Variants in CSMD1 observed in about 807,000 individuals in gnomAD.
CSMD1 encodes the protein CUB and Sushi multiple domains 1.
A neutral mutation model predicts 417.5 loss-of-function variants in CSMD1; 213 were observed. That is an observed-to-expected ratio of 0.51 (90% CI 0.46 to 0.57). CSMD1 has a LOEUF of 0.57. Among genes scored for constraint, CSMD1 ranks in the 20% least tolerant of loss-of-function variants. The pLI is 0.00. For synonymous variants in CSMD1, 2,862 were observed against 1,736.8 expected, an observed-to-expected ratio of 1.65 and a Z score of -16.11; for missense variants, 6,923 against 4,529.7, an observed-to-expected ratio of 1.53 and a Z score of -15.17.
At chr8:4,341,320 A>G (rs1267328777) in intron 3 of CSMD1, among the ~76,000 whole-genome samples, 1 of 152,126 alleles carries the variant, frequency 6.6e-6, no homozygotes, top group Non-Finnish European at 1.5e-5. Context: ...CAATCATATC[A>G]CTAGGTAAAA....
chr8:3,741,723 C>G (rs955102352), intron 6 of CSMD1, among the ~76,000 whole-genome samples: 1 of 152,002 alleles, frequency 6.6e-6, no homozygotes, highest in African/African-American at 2.4e-5. Context: ...AGTGCGCATT[C>G]TTACTGAGAA....
At chr8:3,285,400 T>TA (rs1226636448) in intron 25 of CSMD1, among the ~76,000 whole-genome samples, 1 of 151,598 alleles carries the variant, frequency 6.6e-6, no homozygotes, top group Non-Finnish European at 1.5e-5. Context: ...TTTTTTTTTT[T>TA]TCTAGAGATG....
At chr8:4,928,487 A>T (rs1367468684) in intron 1 of CSMD1, among the ~76,000 whole-genome samples, 1 of 152,190 alleles carries the variant, frequency 6.6e-6, no homozygotes, top group Non-Finnish European at 1.5e-5. Context: ...TGAAATAATT[A>T]TGTGAGCCTG....
At chr8:4,449,410 G>C (rs781776827) in intron 2 of CSMD1, among the ~76,000 whole-genome samples, 6 of 152,208 alleles carry the variant, frequency 3.9e-5, no homozygotes, top group Non-Finnish European at 5.9e-5. Context: ...GCTATGTTTA[G>C]AATAGCCGTG....
chr8:4,336,011 T>C (rs987147324), intron 3 of CSMD1, among the ~76,000 whole-genome samples: 3 of 152,144 alleles, frequency 2.0e-5, no homozygotes, highest in African/African-American at 7.2e-5. Flanking sequence ...AAGTTAAGAT[T>C]TGGTACACTT....
intron 2 of CSMD1, among the ~76,000 whole-genome samples, chr8:4,622,044 T>C (rs1418046316): frequency 1.3e-5 from 2 of 151,844 alleles, no homozygotes; most frequent in Non-Finnish European, 2.9e-5. Flanking sequence ...TAAAGAACAT[T>C]TGTGAAAAAT....
chr8:4,559,217 T>A (rs1320791887), intron 2 of CSMD1, among the ~76,000 whole-genome samples: 1 of 144,322 alleles, frequency 6.9e-6, no homozygotes, highest in Admixed American at 6.7e-5. Flanking sequence ...TGACTTTAAG[T>A]TGGATAAACT....
At chr8:4,074,969 C>G (rs1307681924) in intron 3 of CSMD1, among the ~76,000 whole-genome samples, 1 of 152,104 alleles carries the variant, frequency 6.6e-6, no homozygotes, top group Non-Finnish European at 1.5e-5. Flanking sequence ...TTGAGTCTGC[C>G]TTCCCTAATG....
At chr8:3,639,322 A>T (rs1343248290) in intron 7 of CSMD1, among the ~76,000 whole-genome samples, 1 of 152,210 alleles carries the variant, frequency 6.6e-6, no homozygotes, top group Non-Finnish European at 1.5e-5. Flanking sequence ...TTGTTTCATT[A>T]AGAGAATCAG....
intron 4 of CSMD1, among the ~76,000 whole-genome samples, chr8:4,026,532 A>G (rs1797074226): frequency 6.6e-6 from 1 of 152,230 alleles, no homozygotes; most frequent in Non-Finnish European, 1.5e-5. Flanking sequence ...AAAAAGCAAT[A>G]AACAATGAAG....
At chr8:3,711,802 G>A (rs996728270) in intron 6 of CSMD1, among the ~76,000 whole-genome samples, 23 of 152,134 alleles carry the variant, frequency 1.5e-4, no homozygotes, top group Non-Finnish European at 3.1e-4. Flanking sequence ...CAGGAGAGAG[G>A]AGATGAATGC....
intron 1 of CSMD1, among the ~76,000 whole-genome samples, chr8:4,722,926 G>A (rs147638740): frequency 1.1e-4 from 17 of 152,240 alleles, no homozygotes; most frequent in Middle Eastern, 3.4e-3. Context: ...ATATCCAGCT[G>A]ATCTTTTCAG....
At chr8:3,855,512 T>C (rs182275036) in intron 5 of CSMD1, among the ~76,000 whole-genome samples, 116 of 152,280 alleles carry the variant, frequency 7.6e-4, no homozygotes, top group African/African-American at 2.7e-3. Flanking sequence ...AAAAAACTTG[T>C]TTTTTAATCG....
At chr8:3,436,853 C>T (rs78646251) in intron 12 of CSMD1, among the ~76,000 whole-genome samples, 4,317 of 152,044 alleles carry the variant, frequency 0.028, 81 homozygotes, top group Non-Finnish European at 0.043. Context: ...TGTTATGATT[C>T]GGGATTATTA....
intron 10 of CSMD1, among the ~76,000 whole-genome samples, chr8:3,563,565 C>CA (rs34573849): frequency 1.6e-4 from 24 of 151,374 alleles, no homozygotes; most frequent in East Asian, 5.8e-4. Flanking sequence ...CTCTTACTCA[C>CA]AAAAAAACAA....
At chr8:4,180,988 G>A (rs560095156) in intron 3 of CSMD1, among the ~76,000 whole-genome samples, 26 of 152,050 alleles carry the variant, frequency 1.7e-4, no homozygotes, top group Middle Eastern at 6.8e-3. Flanking sequence ...TACCATTTCC[G>A]TACCCACTAT....
chr8:4,595,099 G>A (rs1345948434), intron 2 of CSMD1, among the ~76,000 whole-genome samples: 1 of 151,974 alleles, frequency 6.6e-6, no homozygotes, highest in African/African-American at 2.4e-5. Flanking sequence ...TAATAGGGAT[G>A]GAATTTTAAA....
rs192605926 is a variant in CSMD1 at position 4,141,799 on chromosome 8, T to C, written c.416-109700A>G. On this transcript the variant is annotated intron_variant, in intron 3 of 69. Transcript: ENST00000635120. Reference sequence around the variant, plus strand: ...GAAGTGAAACATATTGTGAACTCTATTTTACAATGACTAACTGAACATATA... The same window carrying C: ...GAAGTGAAACATATTGTGAACTCTACTTTACAATGACTAACTGAACATATA... Among the ~76,000 whole-genome samples, 150 of 151,268 alleles carry C rather than the reference T, an allele frequency of 9.9e-4. 3 individuals are homozygous for C. Among genetic ancestry groups the C allele is most frequent in the Admixed American group, 2.2e-3 (34 of 15,234 alleles).
intron 1 of CSMD1, among the ~76,000 whole-genome samples, chr8:4,834,659 T>C (rs1245866631): frequency 6.7e-6 from 1 of 149,212 alleles, no homozygotes; most frequent in Non-Finnish European, 1.5e-5. Context: ...AAGAATGAAT[T>C]AAAAGGAAAA....
Sources: allele counts gnomAD v4.1 joint callset (sites outside exome capture counted in the v4.1 genomes callset), GRCh38; gene constraint gnomAD v4.1.1; transcripts MANE v1.5; gene names NCBI Gene and HGNC (gene_info 2026-07-23, HGNC 2026-07-21).